RBFOX3: variants seen among roughly 807,000 people sequenced by gnomAD.
The protein encoded by RBFOX3 is RNA binding protein fox-1 homolog 3.
A neutral mutation model predicts 48.7 loss-of-function variants in RBFOX3; 17 were observed. That is an observed-to-expected ratio of 0.35 (90% confidence interval 0.24 to 0.52). The LOEUF (loss-of-function observed/expected upper bound fraction) is 0.52. Ranked by LOEUF, RBFOX3 falls within the 20% of genes least tolerant of loss-of-function variation. RBFOX3 has a pLI of 0.94. For synonymous variants in RBFOX3, 212 were observed against 209.5 expected, an observed-to-expected ratio of 1.01 and a Z score of -0.10; for missense variants, 382 against 497.5, an observed-to-expected ratio of 0.77 and a Z score of 2.21.
At chr17:79,326,281 G>T (rs1374083871) in intron 2 of RBFOX3, among the ~76,000 whole-genome samples, 3 of 152,248 alleles carry the variant, frequency 2.0e-5, no homozygotes, top group South Asian at 2.1e-4. Context: ...CTTGCAACTG[G>T]TTGAGAAGCT....
Position 79,119,204 on chromosome 17 carries a change from G to T in RBFOX3, c.-33-3456C>A, listed in dbSNP as rs2035030625. ...GGCGAACCCGCCAACATAAAGGGGG[G>T]AGCTCCGGCAGTAGGTGCCAGATCT... On this transcript the variant is annotated intron_variant, in intron 4 of 14. Coordinates refer to ENST00000693108, the MANE Select transcript of RBFOX3 (RefSeq NM_001350451.2). Among the ~76,000 whole-genome samples the T allele has an allele frequency of 3.3e-5, 5 of 152,150 alleles. No individual in the cohort carries two copies. The South Asian group carries it at 1.0e-3, about 32-fold the overall frequency.
the RBFOX3 span, among the ~76,000 whole-genome samples, chr17:79,648,118 A>G: frequency 6.6e-6 from 1 of 152,106 alleles, no homozygotes; most frequent in Non-Finnish European, 1.5e-5. Context: ...GGGCACTGCT[A>G]GTCCCTCCGA....
intron 3 of RBFOX3, among the ~76,000 whole-genome samples, chr17:79,276,385 T>TA (rs1491298183): frequency 6.6e-6 from 1 of 151,930 alleles, no homozygotes; most frequent in Non-Finnish European, 1.5e-5. Flanking sequence ...GCTGCTTTTT[T>TA]AAAAAAATAA....
the RBFOX3 span, among the ~76,000 whole-genome samples, chr17:79,623,557 A>G: frequency 6.6e-6 from 1 of 152,172 alleles, no homozygotes; most frequent in Admixed American, 6.5e-5. Flanking sequence ...TCAGACCTGT[A>G]ATCCCAGCAC....
chr17:79,502,889 C>T (rs1293202462), intron 1 of RBFOX3, among the ~76,000 whole-genome samples: 3 of 152,234 alleles, frequency 2.0e-5, no homozygotes, highest in Non-Finnish European at 4.4e-5. Context: ...CAACCTCCTC[C>T]AGCCTTTCAC....
At chr17:79,559,038 C>T (rs1011989664) in intron 1 of RBFOX3, among the ~76,000 whole-genome samples, 4 of 152,100 alleles carry the variant, frequency 2.6e-5, no homozygotes, top group African/African-American at 9.7e-5. Flanking sequence ...CCCTGGGAGC[C>T]CTGGCCAGGC....
At chr17:79,542,053 A>G (rs1489765799) in intron 1 of RBFOX3, among the ~76,000 whole-genome samples, 1 of 140,188 alleles carries the variant, frequency 7.1e-6, no homozygotes, top group Non-Finnish European at 1.5e-5. Flanking sequence ...TTTTTTTTTC[A>G]TGTATTGTTT....
intron 4 of RBFOX3, among the ~76,000 whole-genome samples, chr17:79,180,174 C>T (rs113865542): frequency 0.036 from 5,481 of 152,256 alleles, 114 homozygotes; most frequent in Non-Finnish European, 0.046. Flanking sequence ...ACAACAAGTG[C>T]CTCTAATTAA....
chr17:79,155,665 C>G (rs1028026272), intron 4 of RBFOX3, among the ~76,000 whole-genome samples: 1 of 151,992 alleles, frequency 6.6e-6, no homozygotes, highest in Non-Finnish European at 1.5e-5. Flanking sequence ...GAGATGAGAA[C>G]GACCAACTCT....
Position 79,150,701 on chromosome 17 carries a change from C to T in RBFOX3, c.-33-34953G>A, listed in dbSNP as rs182236667. Among the ~76,000 whole-genome samples the T allele has an allele frequency of 1.2e-4, 18 of 152,302 alleles. No individual in the cohort carries two copies. The South Asian group carries it at 3.3e-3, about 28-fold the overall frequency. ...TTCACCTCCCATCTCCTCCTTTCCC[C>T]AGCAACCCCACACCTGCCCCACATT... On this transcript the variant is annotated intron_variant, in intron 4 of 14. Coordinates refer to ENST00000693108, the MANE Select transcript of RBFOX3 (RefSeq NM_001350451.2).
At chr17:79,102,548 A>G (rs2076642603) in intron 8 of RBFOX3, among the ~76,000 whole-genome samples, 1 of 152,184 alleles carries the variant, frequency 6.6e-6, no homozygotes, top group South Asian at 2.1e-4. Flanking sequence ...AACACAGCCC[A>G]CTGGCACTCT....
chr17:79,516,632 G>A (rs960222148), intron 1 of RBFOX3, among the ~76,000 whole-genome samples: 3 of 152,200 alleles, frequency 2.0e-5, no homozygotes, highest in Non-Finnish European at 2.9e-5. Flanking sequence ...TGGTAGAGAC[G>A]GGATGGAAAG....
intron 1 of RBFOX3, among the ~76,000 whole-genome samples, chr17:79,519,494 C>T (rs1226183838): frequency 1.3e-5 from 2 of 152,230 alleles, no homozygotes; most frequent in Non-Finnish European, 2.9e-5. Flanking sequence ...AGCCCTGCTT[C>T]CCTGCTGAGA....
intron 3 of RBFOX3, among the ~76,000 whole-genome samples, chr17:79,240,830 A>AT (rs1337183247): frequency 3.3e-5 from 5 of 151,242 alleles, no homozygotes; most frequent in Non-Finnish European, 7.4e-5. Context: ...CACCCAGCTA[A>AT]TTTTTTTGTA....
rs1011874400 is a variant in RBFOX3 at position 79,208,808 on chromosome 17, TTCTC to T, written c.-34+26954_-34+26957del. 1.5e-3 allele frequency among the ~76,000 whole-genome samples: 235 copies of T among 151,728 alleles called. 2 individuals carry two copies. The highest frequency in any genetic ancestry group is 4.6e-4 in the Non-Finnish European group (31 of 67,914). Reference sequence around the variant, plus strand: ...CTCCCATCTCCACCCTGGCTGCTCTTTCTCTCTTTCTTTTTTTTTTTGTTTGAGA... The same window carrying T: ...CTCCCATCTCCACCCTGGCTGCTCTTTCTTTCTTTTTTTTTTTGTTTGAGA... On this transcript the variant is annotated intron_variant, in intron 4 of 14. Coordinates refer to ENST00000693108, the MANE Select transcript of RBFOX3 (RefSeq NM_001350451.2).
chr17:79,559,226 T>C (rs1298893549), intron 1 of RBFOX3, among the ~76,000 whole-genome samples: 11 of 152,190 alleles, frequency 7.2e-5, no homozygotes, highest in African/African-American at 2.2e-4. Context: ...CTAGCATGCA[T>C]TAAGTGCTTA....
chr17:79,385,196 G>A (rs2060411149), intron 2 of RBFOX3, among the ~76,000 whole-genome samples: 1 of 152,210 alleles, frequency 6.6e-6, no homozygotes, highest in Non-Finnish European at 1.5e-5. Flanking sequence ...GGAAGGGGAG[G>A]ACAGAGCCTG....
intron 1 of RBFOX3, among the ~76,000 whole-genome samples, chr17:79,518,209 TTCTC>T (rs1159034681): frequency 2.0e-5 from 3 of 152,306 alleles, no homozygotes; most frequent in Admixed American, 6.5e-5. Flanking sequence ...GTAGGTTTTT[TTCTC>T]TCTCTCTCCT....
intron 4 of RBFOX3, among the ~76,000 whole-genome samples, chr17:79,188,019 G>T (rs2146366266): frequency 6.6e-6 from 1 of 152,352 alleles, no homozygotes; most frequent in African/African-American, 2.4e-5. Context: ...CTTCCACTTT[G>T]TTCTGGCCTG....
Sources: allele counts gnomAD v4.1 joint callset (sites outside exome capture counted in the v4.1 genomes callset), GRCh38; gene constraint gnomAD v4.1.1; transcripts MANE v1.5; gene names NCBI Gene and HGNC (gene_info 2026-07-23, HGNC 2026-07-21).